Variants in MCPH1 observed in about 807,000 individuals in gnomAD.
MCPH1 encodes the protein microcephalin 1.
Under a neutral mutation model 84.5 loss-of-function variants are expected in MCPH1, and 104 were observed. The ratio of observed to expected loss-of-function variants is 1.23; its 90% CI spans 1.05 to 1.45. MCPH1 has a LOEUF of 1.45. Ranked by LOEUF, MCPH1 falls within the 40% of genes most tolerant of loss-of-function variation. The pLI is 0.00. For synonymous variants in MCPH1, 514 were observed against 366.8 expected, an observed-to-expected ratio of 1.40 and a Z score of -4.58; for missense variants, 1,498 against 1,005.7, an observed-to-expected ratio of 1.49 and a Z score of -6.62.
At chr8:6,496,410 G>T (rs1028820573) in intron 11 of MCPH1, among the ~76,000 whole-genome samples, 1 of 152,170 alleles carries the variant, frequency 6.6e-6, no homozygotes, top group African/African-American at 2.4e-5. Context: ...ACCTCCTGCT[G>T]TGTGGCCCCG....
At chr8:6,497,686 G>C (rs966040622) in intron 11 of MCPH1, among the ~76,000 whole-genome samples, 1 of 152,184 alleles carries the variant, frequency 6.6e-6, no homozygotes, top group African/African-American at 2.4e-5. Flanking sequence ...TCCAGTGGGA[G>C]ACATCGAAAT....
At chr8:6,497,467 A>G (rs1811370059) in intron 11 of MCPH1, among the ~76,000 whole-genome samples, 2 of 152,158 alleles carry the variant, frequency 1.3e-5, no homozygotes, top group South Asian at 4.1e-4. Context: ...ACACCACTGT[A>G]CTCCAGCCTG....
Position 6,647,891 on chromosome 8 carries a change from G to A in MCPH1, c.*4842G>A, listed in dbSNP as rs957138332. 7.2e-5 allele frequency: 11 copies of A among 152,046 alleles called. No homozygotes were observed. Among genetic ancestry groups the A allele is most frequent in the African/African-American group, 2.4e-4 (10 of 41,362 alleles). The allele number at this position is 152,046 out of a possible 1,614,324, so 9.4% of individuals were successfully genotyped here. A position where few individuals can be genotyped will look rare whatever the true frequency, so the allele number is the denominator to read the frequency against. ...ACACTTTTAATGGGTAAGCCTTAAG[G>A]CATGTGAATTATACACCAATAAAGC... On this transcript the variant is annotated 3_prime_UTR_variant, in exon 14 of 14. Coordinates refer to ENST00000344683, the MANE Select transcript of MCPH1 (RefSeq NM_024596.5).
At chr8:6,588,073 G>A (rs1201489742) in intron 12 of MCPH1, among the ~76,000 whole-genome samples, 1 of 152,196 alleles carries the variant, frequency 6.6e-6, no homozygotes, top group African/African-American at 2.4e-5. Context: ...CCAAGTGAGC[G>A]TATATGGGGA....
At chr8:6,622,498 C>T (rs1053973947) in intron 13 of MCPH1, among the ~76,000 whole-genome samples, 11 of 152,220 alleles carry the variant, frequency 7.2e-5, no homozygotes, top group African/African-American at 2.7e-4. Context: ...AAGCCTAGGG[C>T]TCCACTGTGG....
chr8:6,614,964 G>C (rs1360021454), intron 12 of MCPH1, among the ~76,000 whole-genome samples: 1 of 151,728 alleles, frequency 6.6e-6, no homozygotes, highest in Non-Finnish European at 1.5e-5. Context: ...TCTGCATAGT[G>C]AGCCTCCTAA....
intron 12 of MCPH1, among the ~76,000 whole-genome samples, chr8:6,535,071 T>G (rs1005771174): frequency 6.6e-6 from 1 of 152,308 alleles, no homozygotes; most frequent in African/African-American, 2.4e-5. Context: ...GGAGTTTAGT[T>G]TAAGCCCATA....
chr8:6,531,317 C>G (rs1432877309), intron 12 of MCPH1, among the ~76,000 whole-genome samples: 1 of 145,252 alleles, frequency 6.9e-6, no homozygotes, highest in Non-Finnish European at 1.5e-5. Context: ...GAGTTGAAGT[C>G]TCACTCTGTT....
intron 12 of MCPH1, chr8:6,514,804 G>A: frequency 1.2e-6 from 2 of 1,600,492 alleles, no homozygotes; most frequent in Middle Eastern, 1.7e-4. Flanking sequence ...CAGGGTATAA[G>A]TGACAGAGCC....
At chr8:6,532,541 A>T in intron 12 of MCPH1, 6 of 1,351,024 alleles carry the variant, frequency 4.4e-6, no homozygotes, top group Non-Finnish European at 6.0e-6. Context: ...CGGAAACCTG[A>T]TTCCTAAATG....
At chr8:6,613,917 CCT>C (rs1486002609) in intron 12 of MCPH1, among the ~76,000 whole-genome samples, 1 of 152,068 alleles carries the variant, frequency 6.6e-6, no homozygotes, top group Non-Finnish European at 1.5e-5. Flanking sequence ...CATCTGAAGA[CCT>C]TTTTTACTTT....
intron 10 of MCPH1, 27 bp from the exon 11 acceptor site, chr8:6,480,687 T>A (rs41312804): frequency 3.0e-4 from 491 of 1,613,996 alleles, no homozygotes; most frequent in Non-Finnish European, 3.9e-4. Flanking sequence ...GTCATTCATT[T>A]TGTTAATTTT....
chr8:6,485,314 G>C (rs1236663175), intron 11 of MCPH1, among the ~76,000 whole-genome samples: 2 of 151,682 alleles, frequency 1.3e-5, no homozygotes, highest in Non-Finnish European at 2.9e-5. Flanking sequence ...GACAGAGTGA[G>C]ACTCTGTCTC....
chr8:6,436,301 T>C, intron 5 of MCPH1, 139 bp downstream of exon 5: 1 of 966,102 alleles, frequency 1.0e-6, no homozygotes, highest in Non-Finnish European at 1.5e-6. Context: ...GAAAACAAAA[T>C]GTCAGGAGCC....
chr8:6,539,597 T>C (rs1219263269), intron 12 of MCPH1, among the ~76,000 whole-genome samples: 1 of 151,646 alleles, frequency 6.6e-6, no homozygotes, highest in Non-Finnish European at 1.5e-5. Context: ...TTTTATTGTC[T>C]TTTTTTTGAG....
chr8:6,423,190 C>CT (rs1165558274), intron 3 of MCPH1, among the ~76,000 whole-genome samples: 5,208 of 113,028 alleles, frequency 0.046, 416 homozygotes, highest in African/African-American at 0.14. Flanking sequence ...CTTTTCTTTT[C>CT]TTTTTTTTTT....
chr8:6,631,137 T>A (rs915322167), intron 13 of MCPH1, among the ~76,000 whole-genome samples: 3 of 152,070 alleles, frequency 2.0e-5, no homozygotes, highest in African/African-American at 7.2e-5. Flanking sequence ...GCAACCCAGT[T>A]CCCAGTTCCC....
At chr8:6,579,393 C>T (rs1197694076) in intron 12 of MCPH1, among the ~76,000 whole-genome samples, 1 of 152,168 alleles carries the variant, frequency 6.6e-6, no homozygotes, top group Non-Finnish European at 1.5e-5. Flanking sequence ...GGTGGTCAGC[C>T]CTCCGCTCGG....
chr8:6,510,738 T>G (rs1055518787), intron 12 of MCPH1, among the ~76,000 whole-genome samples: 1 of 152,184 alleles, frequency 6.6e-6, no homozygotes, highest in African/African-American at 2.4e-5. Flanking sequence ...CAGAGATGTT[T>G]GTTTGTTGAA....
Sources: gnomAD v4.1 joint callset for allele counts (sites outside exome capture counted in the v4.1 genomes callset) on GRCh38, gnomAD v4.1.1 for gene constraint, MANE v1.5 for transcripts, NCBI Gene and HGNC (gene_info 2026-07-23, HGNC 2026-07-21) for gene names.